The following CAPZB variants were observed in gnomAD, a reference collection of about 807,000 sequenced individuals.
CAPZB encodes capping actin protein of muscle Z-line subunit beta, also known as F-actin-capping protein subunit beta.
Under a neutral mutation model 38.1 loss-of-function variants are expected in CAPZB, and 2 were observed. That is an observed-to-expected ratio of 0.05 (90% confidence interval 0.02 to 0.17). The LOEUF (loss-of-function observed/expected upper bound fraction) is 0.17. Among genes scored for constraint, CAPZB ranks in the 10% least tolerant of loss-of-function variants. CAPZB has a pLI of 1.00. For synonymous variants in CAPZB, 107 were observed against 127.4 expected (o/e 0.84, Z 1.08); for missense variants, 161 against 334.2 (o/e 0.48, Z 4.04).
chr1:19,415,759 G>A (rs570740314), intron 2 of CAPZB, among the ~76,000 whole-genome samples: 2 of 152,278 alleles, frequency 1.3e-5, no homozygotes, highest in Admixed American at 6.5e-5. Flanking sequence ...GGCTGGTCTC[G>A]AACTCCTGGC....
chr1:19,355,071 G>C (rs1469875461), intron 6 of CAPZB, among the ~76,000 whole-genome samples: 1 of 152,218 alleles, frequency 6.6e-6, no homozygotes, highest in Non-Finnish European at 1.5e-5. Context: ...TGACACAGGA[G>C]AGGCAGTGGA....
chr1:19,341,606 A>C lies in CAPZB; in HGVS notation c.732-1989T>G, dbSNP rs553396201. Among the ~76,000 whole-genome samples, 4 of 152,334 alleles carry C rather than the reference A, an allele frequency of 2.6e-5. No homozygotes were observed. The South Asian group carries it at 8.3e-4, about 32-fold the overall frequency. ...GACAGTGCTCGACTCTGTGGGAGGG[A>C]GGAGTCATCTTGAGCAGACCTGGCT... On this transcript the variant is annotated intron_variant, in intron 8 of 8. Transcript: ENST00000264202.
chr1:19,339,203 G>A lies in CAPZB; in HGVS notation c.*327C>T, dbSNP rs1172100937. 8.7e-6 allele frequency: 3 copies of A among 344,328 alleles called. No individual in the cohort carries two copies. Among genetic ancestry groups the A allele is most frequent in the African/African-American group, 6.3e-5 (3 of 47,582 alleles). The allele number at this position is 344,328 out of a possible 1,614,324, so 21.3% of individuals were successfully genotyped here. ...CACCAATGTACCAAAAAGGTGGGAG[G>A]GAAGGGAGGCTGGCAGACAGTGGAT... On this transcript the variant is annotated 3_prime_UTR_variant, in exon 9 of 9. Coordinates refer to ENST00000264202, the MANE Select transcript of CAPZB (RefSeq NM_004930.5).
chr1:19,410,341 C>T (rs1439438666), intron 2 of CAPZB, among the ~76,000 whole-genome samples: 3 of 152,194 alleles, frequency 2.0e-5, no homozygotes, highest in African/African-American at 4.8e-5. Flanking sequence ...TGAACCATCC[C>T]GTTGGTTCTT....
chr1:19,484,377 C>CCAT lies in CAPZB; in HGVS notation c.3+1056_3+1058dup, dbSNP rs779510330. ...CGTTCATCCTTGTCCTGTGGGCCACCCATCCTCGCCCCTCGGCTCCCACTC... is the reference window on the plus strand; with the variant it reads ...CGTTCATCCTTGTCCTGTGGGCCACCCATCATCCTCGCCCCTCGGCTCCCACTC... On this transcript the variant is annotated intron_variant, in intron 1 of 8. Transcript: ENST00000264202. 5 of 1,538,264 alleles carry CCAT rather than the reference C, an allele frequency of 3.3e-6. No homozygotes were observed. The Admixed American group carries it at 9.8e-5, about 30-fold the overall frequency.
At chr1:19,460,568 C>A (rs952532372) in intron 1 of CAPZB, among the ~76,000 whole-genome samples, 3 of 143,562 alleles carry the variant, frequency 2.1e-5, no homozygotes, top group Non-Finnish European at 4.5e-5. Context: ...AGCCACTGTG[C>A]CCAGGCTTTT....
At chr1:19,375,192 A>G (rs1570024914) in intron 4 of CAPZB, among the ~76,000 whole-genome samples, 1 of 152,236 alleles carries the variant, frequency 6.6e-6, no homozygotes, top group Admixed American at 6.5e-5. Flanking sequence ...AAAGAAAAAA[A>G]AGAGACTTGT....
chr1:19,428,039 C>A (rs2094429477), intron 1 of CAPZB, among the ~76,000 whole-genome samples: 1 of 152,194 alleles, frequency 6.6e-6, no homozygotes, highest in Non-Finnish European at 1.5e-5. Flanking sequence ...TGTGGATGAC[C>A]CACCAGCCAG....
chr1:19,465,397 C>T (rs1250892293), intron 1 of CAPZB, among the ~76,000 whole-genome samples: 2 of 152,304 alleles, frequency 1.3e-5, no homozygotes, highest in South Asian at 2.1e-4. Context: ...ACCTTGCTTA[C>T]GGACTTCCCA....
rs750822077 is a variant in CAPZB at position 19,385,555 on chromosome 1, C to T, written c.165G>A (p.Val55=). ...AGTCACACAAAAGGTAATCCTTTCC[C>T]ACCACCTTGTCTCTGGCAATTTTCA... ...QPLKIARDKV[V]GKDYLLCDYN... is the part of the protein sequence containing the mutation. The change falls in exon 3 of 9, where the codon GTG becomes GTA. Residue 55 remains valine (V), a synonymous_variant. Coordinates refer to ENST00000264202, the MANE Select transcript of CAPZB (RefSeq NM_004930.5). 1.2e-4 allele frequency: 197 copies of T among 1,614,062 alleles called. No individual in the cohort carries two copies. The highest frequency in any genetic ancestry group is 1.5e-4 in the Admixed American group (9 of 60,026).
chr1:19,368,605 G>A (rs2094103636), intron 4 of CAPZB, among the ~76,000 whole-genome samples: 1 of 151,760 alleles, frequency 6.6e-6, no homozygotes, highest in African/African-American at 2.4e-5. Flanking sequence ...GGATTTTGGA[G>A]GGTTCTCTGC....
At position 19,403,165 on chromosome 1, in the gene CAPZB, G is replaced by C. The variant is rs143029615; in HGVS notation, c.93+16496C>G. Reference sequence around the variant, plus strand: ...CTATTCTGTTGTCACTCTGACCCTGGTGCTTCAGCTTAGGCAGGGCCTTGC... The same window carrying C: ...CTATTCTGTTGTCACTCTGACCCTGCTGCTTCAGCTTAGGCAGGGCCTTGC... On this transcript the variant is annotated intron_variant, in intron 2 of 8. Transcript: ENST00000264202. Among the ~76,000 whole-genome samples, 813 of 152,310 alleles carry C rather than the reference G, an allele frequency of 5.3e-3. 5 individuals carry two copies. Among genetic ancestry groups the C allele is most frequent in the African/African-American group, 0.019 (772 of 41,558 alleles).
intron 1 of CAPZB, among the ~76,000 whole-genome samples, chr1:19,435,620 G>C (rs989400367): frequency 6.6e-6 from 1 of 152,196 alleles, no homozygotes; most frequent in Non-Finnish European, 1.5e-5. Context: ...TGCTTTATAT[G>C]CCAATATCTC....
intron 1 of CAPZB, among the ~76,000 whole-genome samples, chr1:19,448,038 G>A (rs563294721): frequency 2.4e-4 from 36 of 152,308 alleles, no homozygotes; most frequent in African/African-American, 8.4e-4. Flanking sequence ...CCCAGGAGTG[G>A]GTGGAGCTCA....
intron 2 of CAPZB, among the ~76,000 whole-genome samples, chr1:19,417,224 C>T (rs1004893445): frequency 1.3e-5 from 2 of 152,160 alleles, no homozygotes; most frequent in African/African-American, 2.4e-5. Context: ...TAAAACACTT[C>T]AGTTGCCATA....
intron 2 of CAPZB, among the ~76,000 whole-genome samples, chr1:19,396,699 G>C (rs376616590): frequency 9.7e-4 from 148 of 152,004 alleles, no homozygotes; most frequent in African/African-American, 3.4e-3. Context: ...CCAGCACTTT[G>C]GGAGGCCGAG....
chr1:19,473,419 A>G (rs974693582), intron 1 of CAPZB, among the ~76,000 whole-genome samples: 2 of 152,240 alleles, frequency 1.3e-5, no homozygotes, highest in Non-Finnish European at 2.9e-5. Context: ...GTCCCCTTGC[A>G]TGATAAACCC....
intron 2 of CAPZB, among the ~76,000 whole-genome samples, chr1:19,400,651 T>G (rs6698682): frequency 0.65 from 98,309 of 152,022 alleles, 32,370 homozygotes; most frequent in African/African-American, 0.77. Context: ...TAACTTAAAG[T>G]GAGAGTCTTC....
intron 1 of CAPZB, chr1:19,484,089 G>T: frequency 7.7e-7 from 1 of 1,301,172 alleles, no homozygotes; most frequent in Non-Finnish European, 1.1e-6. Context: ...GGGGGCCTAT[G>T]TGAAACCCCA....
Sources: allele counts gnomAD v4.1 joint callset (sites outside exome capture counted in the v4.1 genomes callset), GRCh38; gene constraint gnomAD v4.1.1; transcripts MANE v1.5; gene names NCBI Gene and HGNC (gene_info 2026-07-23, HGNC 2026-07-21).